Variants in CDH18 observed in about 807,000 individuals in gnomAD.
CDH18 encodes cadherin 18.
In CDH18, 31 loss-of-function variants were observed where a neutral mutation model predicts 67.9. The ratio of observed to expected loss-of-function variants is 0.46; its 90% CI spans 0.34 to 0.62. CDH18 has a LOEUF of 0.62. Ranked by LOEUF, CDH18 falls within the 20% of genes least tolerant of loss-of-function variation. The pLI, the probability that CDH18 is intolerant of heterozygous loss-of-function variation, is 0.01. For missense variants in CDH18, 890 were observed against 975.5 expected (o/e 0.91, Z 1.17); for synonymous variants, 362 against 347.2 (o/e 1.04, Z -0.48).
rs142264765 is a variant in CDH18, at chr5:19,834,626, T to C, written c.228+4133A>G. On this transcript the variant is annotated intron_variant, in intron 3 of 12. Transcript: ENST00000382275. ...TTAAATTGTGATGTTAAGGTGTCGA[T>C]TTGAGACCTTTCTAGCTTTCTGATA... is the stretch of plus-strand genomic sequence containing the variant. Among the ~76,000 whole-genome samples the C allele has an allele frequency of 3.5e-4, 54 of 152,260 alleles. No individual in the cohort carries two copies. The East Asian group carries it at 7.9e-3, about 22-fold the overall frequency.
intron 3 of CDH18, among the ~76,000 whole-genome samples, chr5:19,815,736 A>C (rs1779220546): frequency 6.6e-6 from 1 of 151,966 alleles, no homozygotes; most frequent in African/African-American, 2.4e-5. Flanking sequence ...GAACACGAAG[A>C]GGCCTCTTAA....
At chr5:20,158,108 A>G (rs1010590508) in intron 2 of CDH18, among the ~76,000 whole-genome samples, 1 of 152,188 alleles carries the variant, frequency 6.6e-6, no homozygotes, top group Non-Finnish European at 1.5e-5. Flanking sequence ...GAAATGCTGA[A>G]TATGTAATAC....
intron 1 of CDH18, among the ~76,000 whole-genome samples, chr5:20,271,374 A>G (rs1200910376): frequency 6.6e-6 from 1 of 152,048 alleles, no homozygotes; most frequent in Non-Finnish European, 1.5e-5. Flanking sequence ...CAGGGTGACT[A>G]TAGTCAACCA....
intron 10 of CDH18, among the ~76,000 whole-genome samples, chr5:19,519,538 G>T (rs1746563555): frequency 6.6e-6 from 1 of 152,176 alleles, no homozygotes; most frequent in Non-Finnish European, 1.5e-5. Context: ...TTAAGGTGCT[G>T]CTCCTGGAAT....
intron 1 of CDH18, among the ~76,000 whole-genome samples, chr5:20,381,351 G>A (rs1361347836): frequency 6.6e-6 from 1 of 152,032 alleles, no homozygotes; most frequent in Non-Finnish European, 1.5e-5. Context: ...AGCCTCATGG[G>A]GAAGAAACTG....
chr5:20,258,167 G>A (rs1394033851), intron 1 of CDH18, among the ~76,000 whole-genome samples: 1 of 151,972 alleles, frequency 6.6e-6, no homozygotes, highest in Non-Finnish European at 1.5e-5. Flanking sequence ...ATCTTTTGTT[G>A]TAAGTTTCTA....
At chr5:19,986,913 G>T (rs1799616968) in intron 1 of CDH18, among the ~76,000 whole-genome samples, 1 of 152,132 alleles carries the variant, frequency 6.6e-6, no homozygotes, top group Non-Finnish European at 1.5e-5. Context: ...AAATCTGTGG[G>T]TGATCCCAGA....
intron 2 of CDH18, among the ~76,000 whole-genome samples, chr5:20,115,442 C>A (rs947490094): frequency 1.3e-5 from 2 of 151,646 alleles, no homozygotes; most frequent in Non-Finnish European, 2.9e-5. Context: ...CCATGCCCAG[C>A]TAATTTTTGT....
intron 2 of CDH18, among the ~76,000 whole-genome samples, chr5:19,994,232 TATATACACACACATATACAC>T (rs1800141253): frequency 1.3e-5 from 2 of 151,328 alleles, no homozygotes; most frequent in Non-Finnish European, 2.9e-5. Flanking sequence ...TGCATACATG[TATATACACACACATATACAC>T]ATATATACAC....
At chr5:20,406,956 A>G (rs13184083) in intron 1 of CDH18, among the ~76,000 whole-genome samples, 83,170 of 151,998 alleles carry the variant, frequency 0.55, 23,187 homozygotes, top group Middle Eastern at 0.62. Flanking sequence ...AATAAGGAGG[A>G]AACTTCTAGC....
In CDH18 at chr5:19,880,944, C is replaced by A. The variant is rs1579403611; in HGVS notation, c.-256-41702G>T. 3.3e-5 allele frequency among the ~76,000 whole-genome samples: 5 copies of A among 152,208 alleles called. No homozygotes were observed. The South Asian group carries it at 1.0e-3, about 32-fold the overall frequency. Reference sequence around the variant, plus strand: ...TGACTCTGTTGGCTGTAATTGTTGACACTGCAAACAATTTCTATTTACTCT... The same window carrying A: ...TGACTCTGTTGGCTGTAATTGTTGAAACTGCAAACAATTTCTATTTACTCT... On this transcript the variant is annotated intron_variant, in intron 2 of 12. Coordinates refer to ENST00000382275, the MANE Select transcript of CDH18 (RefSeq NM_004934.5).
intron 2 of CDH18, among the ~76,000 whole-genome samples, chr5:20,235,065 TG>T (rs1213463287): frequency 6.6e-6 from 1 of 152,072 alleles, no homozygotes; most frequent in African/African-American, 2.4e-5. Flanking sequence ...AACAGTTGGA[TG>T]GCTATCTGTA....
At chr5:20,390,076 A>G (rs368447843) in intron 1 of CDH18, among the ~76,000 whole-genome samples, 3 of 152,130 alleles carry the variant, frequency 2.0e-5, no homozygotes, top group African/African-American at 4.8e-5. Flanking sequence ...ACATAGGCAT[A>G]GGCAAGGACT....
intron 4 of CDH18, among the ~76,000 whole-genome samples, chr5:19,727,171 T>C (rs1766952142): frequency 6.6e-6 from 1 of 152,232 alleles, no homozygotes; most frequent in South Asian, 2.1e-4. Flanking sequence ...TCAAGGTATA[T>C]GTTATGGGTT....
rs189409656 is a variant in CDH18 at position 20,043,459 on chromosome 5, T to C, written c.-517-51445A>G. Among the ~76,000 whole-genome samples the C allele has an allele frequency of 1.0e-3, 159 of 152,302 alleles. 1 individual carries two copies. The highest frequency in any genetic ancestry group is 1.5e-3 in the Non-Finnish European group (103 of 68,022). On this transcript the variant is annotated intron_variant, in intron 2 of 14. Transcript: ENST00000507958. ...GCTGCTGTGGCTCCACACCAGGCCA[T>C]AGAACTTGTGGACCAGAAGGGGGCT...
chr5:20,556,581 C>T (rs1475085135), intron 1 of CDH18, among the ~76,000 whole-genome samples: 3 of 152,150 alleles, frequency 2.0e-5, no homozygotes, highest in Admixed American at 2.0e-4. Flanking sequence ...TCTTGCTTTA[C>T]ACAAACCTAG....
At chr5:20,411,698 T>C (rs1746791657) in intron 1 of CDH18, among the ~76,000 whole-genome samples, 1 of 150,854 alleles carries the variant, frequency 6.6e-6, no homozygotes, top group Non-Finnish European at 1.5e-5. Flanking sequence ...GTTCACAAAC[T>C]GTGTACCTGA....
At chr5:20,008,509 G>C (rs976168992) in intron 2 of CDH18, among the ~76,000 whole-genome samples, 1 of 152,124 alleles carries the variant, frequency 6.6e-6, no homozygotes, top group Non-Finnish European at 1.5e-5. Flanking sequence ...TAACAACCGT[G>C]TTTCCCACGA....
At chr5:19,722,432 GA>G (rs1219334247) in intron 4 of CDH18, among the ~76,000 whole-genome samples, 2 of 151,046 alleles carry the variant, frequency 1.3e-5, no homozygotes, top group Admixed American at 6.7e-5. Flanking sequence ...TTTTTAAAAT[GA>G]AAATGGATTG....
Sources: allele counts gnomAD v4.1 joint callset (sites outside exome capture counted in the v4.1 genomes callset), GRCh38; gene constraint gnomAD v4.1.1; transcripts MANE v1.5; gene names NCBI Gene and HGNC (gene_info 2026-07-23, HGNC 2026-07-21).